GABRG3: variants seen among roughly 807,000 people sequenced by gnomAD.
GABRG3 encodes gamma-aminobutyric acid receptor subunit gamma-3.
GABRG3 carries 25 observed loss-of-function variants against 48.8 expected under a neutral mutation model. That is an observed-to-expected ratio of 0.51 (90% CI 0.37 to 0.72). The LOEUF (loss-of-function observed/expected upper bound fraction) is 0.72, where lower values mean the gene tolerates loss of function less well. GABRG3 is among the 30% of genes least tolerant of loss of function. GABRG3 has a pLI of 0.00. For synonymous variants in GABRG3, 227 were observed against 217.6 expected (o/e 1.04, Z -0.38); for missense variants, 394 against 577.9 (o/e 0.68, Z 3.26).
At chr15:27,204,229 G>A (rs1359846578) in intron 3 of GABRG3, among the ~76,000 whole-genome samples, 2 of 152,096 alleles carry the variant, frequency 1.3e-5, no homozygotes, top group South Asian at 2.1e-4. Flanking sequence ...TTTGTATGTG[G>A]TGAAACAAAG....
chr15:27,339,536 C>G (rs1449632603), intron 5 of GABRG3, among the ~76,000 whole-genome samples: 1 of 152,210 alleles, frequency 6.6e-6, no homozygotes, highest in Non-Finnish European at 1.5e-5. Context: ...ACTTGCACAC[C>G]TTGTGGAATG....
intron 3 of GABRG3, among the ~76,000 whole-genome samples, chr15:27,188,005 A>G (rs1203063839): frequency 1.3e-5 from 2 of 151,600 alleles, no homozygotes; most frequent in African/African-American, 2.4e-5. Context: ...GCGACAGTTT[A>G]CTGAGAATGA....
At chr15:27,086,013 A>G (rs1897070069) in intron 3 of GABRG3, among the ~76,000 whole-genome samples, 1 of 152,216 alleles carries the variant, frequency 6.6e-6, no homozygotes, top group African/African-American at 2.4e-5. Flanking sequence ...GGCAGAGCTC[A>G]ACGTAAGAAC....
chr15:27,465,956 C>T (rs547399939), intron 5 of GABRG3, among the ~76,000 whole-genome samples: 1 of 152,162 alleles, frequency 6.6e-6, no homozygotes, highest in Non-Finnish European at 1.5e-5. Flanking sequence ...TTCAAAAATA[C>T]TGTTGTAGAC....
intron 7 of GABRG3, among the ~76,000 whole-genome samples, chr15:27,524,371 C>A (rs1440255979): frequency 6.6e-6 from 1 of 151,578 alleles, no homozygotes; most frequent in African/African-American, 2.4e-5. Flanking sequence ...AAAATGATGG[C>A]TAATGGAATT....
rs1198500975 is a variant in GABRG3, at chr15:27,538,662, C to T, written c.*5781C>T. Reference sequence around the variant, plus strand: ...TTTAAATTGAACAGGTTGGAAAGAACATTGATTGCCAATAATTAAATGCCC... The same window carrying T: ...TTTAAATTGAACAGGTTGGAAAGAATATTGATTGCCAATAATTAAATGCCC... On this transcript the variant is annotated 3_prime_UTR_variant, in exon 10 of 10. Coordinates refer to ENST00000615808, the MANE Select transcript of GABRG3 (RefSeq NM_033223.5). 1 of 152,202 alleles carries T rather than the reference C, an allele frequency of 6.6e-6. No homozygotes were observed. Among genetic ancestry groups the T allele is most frequent in the Admixed American group, 6.5e-5 (1 of 15,286 alleles). The allele number at this position is 152,202 out of a possible 1,614,324, so 9.4% of individuals were successfully genotyped here.
intron 5 of GABRG3, among the ~76,000 whole-genome samples, chr15:27,428,859 T>A (rs1377150335): frequency 1.3e-5 from 2 of 152,218 alleles, no homozygotes; most frequent in Non-Finnish European, 2.9e-5. Flanking sequence ...TTTAAATTTG[T>A]ATCAGTTTGC....
At chr15:27,214,239 G>A (rs1172192697) in intron 3 of GABRG3, among the ~76,000 whole-genome samples, 3 of 152,200 alleles carry the variant, frequency 2.0e-5, no homozygotes, top group Admixed American at 6.5e-5. Context: ...CATAGCAACA[G>A]CAGTGTTTTT....
At chr15:27,081,717 C>T (rs1436834186) in intron 3 of GABRG3, among the ~76,000 whole-genome samples, 1 of 152,218 alleles carries the variant, frequency 6.6e-6, no homozygotes, top group Non-Finnish European at 1.5e-5. Flanking sequence ...ATGATACCAA[C>T]AACATGGGCT....
intron 3 of GABRG3, among the ~76,000 whole-genome samples, chr15:27,222,274 A>G (rs1595595498): frequency 6.6e-6 from 1 of 152,238 alleles, no homozygotes; most frequent in African/African-American, 2.4e-5. Context: ...TTTACTGGCA[A>G]TGCCATCTAA....
At chr15:27,351,724 G>T (rs562942161) in intron 5 of GABRG3, among the ~76,000 whole-genome samples, 109 of 149,602 alleles carry the variant, frequency 7.3e-4, no homozygotes, top group African/African-American at 2.6e-3. Flanking sequence ...GTGTGTGTGT[G>T]TATATATATG....
At chr15:27,324,120 T>G (rs759677083) in intron 3 of GABRG3, among the ~76,000 whole-genome samples, 1 of 152,224 alleles carries the variant, frequency 6.6e-6, no homozygotes, top group Non-Finnish European at 1.5e-5. Flanking sequence ...GAATATTAGC[T>G]TCTGTCTTTC....
chr15:27,104,721 C>T (rs1897420584), intron 3 of GABRG3, among the ~76,000 whole-genome samples: 1 of 152,130 alleles, frequency 6.6e-6, no homozygotes, highest in South Asian at 2.1e-4. Context: ...TCAGCTGAAT[C>T]GAAGACAGAC....
At chr15:27,237,817 C>T (rs1019449940) in intron 3 of GABRG3, among the ~76,000 whole-genome samples, 3 of 152,200 alleles carry the variant, frequency 2.0e-5, no homozygotes, top group African/African-American at 7.2e-5. Flanking sequence ...TGGGATGCCA[C>T]GGCCCATTCA....
intron 3 of GABRG3, among the ~76,000 whole-genome samples, chr15:27,200,854 C>A (rs920252723): frequency 5.3e-5 from 8 of 152,068 alleles, no homozygotes; most frequent in African/African-American, 1.9e-4. Flanking sequence ...TTATTTAAGG[C>A]CTCGAGATTT....
At chr15:27,060,470 A>T (rs899895859) in intron 3 of GABRG3, among the ~76,000 whole-genome samples, 1 of 152,372 alleles carries the variant, frequency 6.6e-6, no homozygotes, top group South Asian at 2.1e-4. Context: ...TGCAAAGCAA[A>T]TCCCTGCTTG....
chr15:27,014,890 T>C (rs1295714215), intron 2 of GABRG3, among the ~76,000 whole-genome samples: 2 of 152,228 alleles, frequency 1.3e-5, no homozygotes, highest in African/African-American at 4.8e-5. Flanking sequence ...ATTATCGTGT[T>C]GCTGTCTAGT....
chr15:27,236,390 G>A lies in GABRG3; in HGVS notation c.271-90419G>A, dbSNP rs1260898863. On this transcript the variant is annotated intron_variant, in intron 3 of 9. Coordinates refer to ENST00000615808, the MANE Select transcript of GABRG3 (RefSeq NM_033223.5). This position sits in a 1 kb window ranked among gnomAD's most constrained non-coding sequence, Gnocchi z 4.4. ...TGGACCCCCTGACCCACTGTTGGCT[G>A]AGAGAAACCTTAGAAACTGAGTTCC... 6.6e-6 allele frequency among the ~76,000 whole-genome samples: 1 copy of A among 152,194 alleles called. No homozygotes were observed. The highest frequency in any genetic ancestry group is 1.5e-5 in the Non-Finnish European group (1 of 68,036).
intron 3 of GABRG3, among the ~76,000 whole-genome samples, chr15:27,103,880 T>C (rs573303281): frequency 5.6e-4 from 85 of 152,330 alleles, no homozygotes; most frequent in African/African-American, 2.0e-3. Flanking sequence ...GCTATAGAAT[T>C]ATACACCTTT....
Sources: gnomAD v4.1 joint callset for allele counts (sites outside exome capture counted in the v4.1 genomes callset) on GRCh38, gnomAD v4.1.1 for gene constraint, Gnocchi (gnomAD v3.1) non-coding constraint, MANE v1.5 for transcripts, NCBI Gene and HGNC (gene_info 2026-07-23, HGNC 2026-07-21) for gene names.